The following LRRC39 variants were observed in gnomAD, a reference collection of about 807,000 sequenced individuals.
LRRC39 encodes leucine-rich repeat-containing protein 39.
In LRRC39, 35 loss-of-function variants were observed where a neutral mutation model predicts 39.7. The observed-to-expected ratio is 0.88, with a 90% CI of 0.67 to 1.17. The LOEUF (loss-of-function observed/expected upper bound fraction) is 1.17. Ranked by LOEUF, LRRC39 falls within the 50% of genes most tolerant of loss-of-function variation. The pLI, the probability that LRRC39 is intolerant of heterozygous loss-of-function variation, is 0.00. For synonymous variants in LRRC39, 113 were observed against 134.1 expected, an observed-to-expected ratio of 0.84 and a Z score of 1.09; for missense variants, 357 against 385.8, an observed-to-expected ratio of 0.93 and a Z score of 0.62.
At chr1:100,160,691 C>A in intron 3 of LRRC39, 120 bp from the exon 4 acceptor site, 4 of 621,084 alleles carry the variant, frequency 6.4e-6, no homozygotes, top group South Asian at 2.7e-5. Flanking sequence ...GTGGCCCGAT[C>A]TCGGCCCACT....
chr1:100,163,598 A>G (rs1371513123), intron 3 of LRRC39, among the ~76,000 whole-genome samples: 9 of 150,232 alleles, frequency 6.0e-5, no homozygotes, highest in Non-Finnish European at 1.2e-4. Flanking sequence ...CTTTTTCTAA[A>G]AAAAAAAAAA....
At position 100,159,399 on chromosome 1, in the gene LRRC39, A is replaced by G; in HGVS notation, c.236T>C (p.Leu79Pro). 1 of 1,608,152 alleles carries G rather than the reference A, an allele frequency of 6.2e-7. No individual in the cohort carries two copies. Among genetic ancestry groups the G allele is most frequent in the Non-Finnish European group, 8.5e-7 (1 of 1,177,340 alleles). ...TTCCTGTAGTTGATTCAGTTTCAGC[A>G]GAGAAGAAGGGAGGGTCTACAGTAA... ...KEEWKTLPSS[L>P]LKLNQLQEWQ... The change falls in exon 5 of 10, where the codon CTG becomes CCG. Residue 79 changes from leucine to proline, a missense_variant. By Grantham distance (98) the Leu-to-Pro change is moderately conservative (BLOSUM62 -3). Coordinates refer to ENST00000370137, the MANE Select transcript of LRRC39 (RefSeq NM_144620.4).
intron 1 of LRRC39, among the ~76,000 whole-genome samples, chr1:100,177,215 T>G (rs918079819): frequency 2.0e-5 from 3 of 152,162 alleles, no homozygotes; most frequent in African/African-American, 7.2e-5. Flanking sequence ...AGATAACCAC[T>G]GAAAACTAAA....
At position 100,167,778 on chromosome 1, in the gene LRRC39, AAATAATAATAATAAT is replaced by A. The variant is rs5776500; in HGVS notation, c.113+611_113+625del. Among the ~76,000 whole-genome samples, 455 of 137,388 alleles carry A rather than the reference AAATAATAATAATAAT, an allele frequency of 3.3e-3. 4 individuals carry two copies. The highest frequency in any genetic ancestry group is 8.4e-3 in the African/African-American group (314 of 37,538). The allele number at this position is 137,388 out of a possible 152,430, so 90.1% of individuals were successfully genotyped here. On this transcript the variant is annotated intron_variant, in intron 3 of 9. Transcript: ENST00000370137. ...GCGACAGAGTGAGTCTCCATTTCAAAAATAATAATAATAATAATAATAATAATAATAATAATAATA... is the reference window on the plus strand; with the variant it reads ...GCGACAGAGTGAGTCTCCATTTCAAAAATAATAATAATAATAATAATAATA...
At chr1:100,172,261 C>T (rs1659665829) in intron 2 of LRRC39, among the ~76,000 whole-genome samples, 1 of 152,172 alleles carries the variant, frequency 6.6e-6, no homozygotes, top group Admixed American at 6.5e-5. Context: ...ATGAGATTAG[C>T]ATATGCTTGA....
chr1:100,172,374 A>G (rs115976120), intron 2 of LRRC39, among the ~76,000 whole-genome samples: 2,412 of 152,318 alleles, frequency 0.016, 27 homozygotes, highest in Non-Finnish European at 0.024. Flanking sequence ...CTGGCAAACC[A>G]TATCTGGCAA....
At chr1:100,162,148 C>G (rs917991702) in intron 3 of LRRC39, among the ~76,000 whole-genome samples, 3 of 152,048 alleles carry the variant, frequency 2.0e-5, no homozygotes, top group Non-Finnish European at 4.4e-5. Flanking sequence ...GGTGAGTAAT[C>G]TATAGATATT....
Position 100,152,409 on chromosome 1 carries a change from T to A in LRRC39, c.928A>T (p.Ile310Leu), listed in dbSNP as rs775451096. 4 of 1,613,950 alleles carry A rather than the reference T, an allele frequency of 2.5e-6. No individual in the cohort carries two copies. Among genetic ancestry groups the A allele is most frequent in the Non-Finnish European group, 3.4e-6 (4 of 1,179,986 alleles). The change falls in exon 9 of 10, where the codon ATA becomes TTA. Residue 310 changes from isoleucine (I) to leucine (L), a missense_variant. Physicochemically the swap from Ile to Leu is conservative, Grantham distance 5. Coordinates refer to ENST00000370137, the MANE Select transcript of LRRC39 (RefSeq NM_144620.4). ...CCTGCTCTTCTCCGTGACTCTTGTA[T>A]GTATGTGTGCATAAACTGAAGGCCA... is the stretch of plus-strand genomic sequence containing the variant. ...LFGLQFMHTY[I>L]QESRRRADHQ...
chr1:100,179,499 C>CAAAAAAAAAAAAAAAAAAAAAA (rs60588308), upstream of LRRC39, among the ~76,000 whole-genome samples: 4 of 45,618 alleles, frequency 8.8e-5, no homozygotes, highest in African/African-American at 3.3e-4. Flanking sequence ...CTGTATCTAC[C>CAAAAAAAAAAAAAAAAAAAAAA]AAAAAAAAAA....
At chr1:100,169,005 T>A (rs1225079665) in intron 2 of LRRC39, among the ~76,000 whole-genome samples, 5 of 152,030 alleles carry the variant, frequency 3.3e-5, no homozygotes, top group Non-Finnish European at 5.9e-5. Context: ...GAAATTCAGT[T>A]AAGTGATAAT....
At chr1:100,159,176 T>C in intron 5 of LRRC39, 83 bp downstream of exon 5, 1 of 1,282,056 alleles carries the variant, frequency 7.8e-7, no homozygotes, top group Non-Finnish European at 1.1e-6. Context: ...GAGGTCTTTA[T>C]TCCATGTATC....
intron 3 of LRRC39, among the ~76,000 whole-genome samples, chr1:100,162,515 T>C (rs1204494149): frequency 2.0e-5 from 3 of 152,008 alleles, no homozygotes; most frequent in Non-Finnish European, 2.9e-5. Context: ...GATGCGTGCC[T>C]GGAGTCCCAG....
At chr1:100,164,814 C>T (rs921710590) in intron 3 of LRRC39, among the ~76,000 whole-genome samples, 6 of 151,878 alleles carry the variant, frequency 4.0e-5, no homozygotes, top group African/African-American at 1.2e-4. Context: ...TTGATCCTCC[C>T]GCCTCACCCC....
At chr1:100,171,485 CT>C (rs1006144671) in intron 2 of LRRC39, among the ~76,000 whole-genome samples, 250 of 145,104 alleles carry the variant, frequency 1.7e-3, no homozygotes, top group Admixed American at 3.2e-3. Context: ...AAGAAACACA[CT>C]TTTTTTTTTC....
intron 6 of LRRC39, among the ~76,000 whole-genome samples, chr1:100,157,241 T>C (rs1362570519): frequency 1.3e-5 from 2 of 152,178 alleles, no homozygotes; most frequent in Non-Finnish European, 2.9e-5. Context: ...TGGGAGGCAA[T>C]TGAATCATGG....
At chr1:100,174,392 G>A (rs1013471460) in intron 1 of LRRC39, among the ~76,000 whole-genome samples, 1 of 151,980 alleles carries the variant, frequency 6.6e-6, no homozygotes, top group Non-Finnish European at 1.5e-5. Flanking sequence ...CCACCTCCTG[G>A]GTTCAAGCCA....
chr1:100,172,558 C>T (rs2101797556), intron 2 of LRRC39, among the ~76,000 whole-genome samples: 1 of 151,756 alleles, frequency 6.6e-6, no homozygotes, highest in East Asian at 1.9e-4. Context: ...CGTGGTGGCT[C>T]ATGCCTGTAA....
chr1:100,171,037 C>A (rs533824041), intron 2 of LRRC39, among the ~76,000 whole-genome samples: 1 of 152,210 alleles, frequency 6.6e-6, no homozygotes, highest in East Asian at 1.9e-4. Flanking sequence ...ATTTAATCCA[C>A]AAGAAATATA....
intron 8 of LRRC39, among the ~76,000 whole-genome samples, chr1:100,153,955 G>T (rs567243516): frequency 2.4e-4 from 37 of 151,758 alleles, no homozygotes; most frequent in African/African-American, 8.7e-4. Context: ...GTTTCCCTTT[G>T]TGCTTATTTA....
Sources: gnomAD v4.1 joint callset for allele counts (sites outside exome capture counted in the v4.1 genomes callset) on GRCh38, gnomAD v4.1.1 for gene constraint, MANE v1.5 for transcripts, NCBI Gene and HGNC (gene_info 2026-07-23, HGNC 2026-07-21) for gene names.